Variants in UCK2 observed in about 807,000 individuals in gnomAD.
UCK2 encodes cytidine monophosphokinase 2.
In UCK2, 6 loss-of-function variants were observed where a neutral mutation model predicts 30.8. The observed-to-expected ratio is 0.19, with a 90% confidence interval of 0.11 to 0.38. The LOEUF is 0.38. Ranked by LOEUF, UCK2 falls within the 10% of genes least tolerant of loss-of-function variation. The pLI is 1.00. For synonymous variants in UCK2, 125 were observed against 133.6 expected (o/e 0.94, Z 0.45); for missense variants, 210 against 339.8 (o/e 0.62, Z 3.00).
At chr1:165,891,498 G>A in intron 3 of UCK2, 176 bp downstream of exon 3, 1 of 606,904 alleles carries the variant, frequency 1.6e-6, no homozygotes, top group East Asian at 2.9e-5. Flanking sequence ...CTGTGGGATT[G>A]TAGAGGTTGG....
chr1:165,886,320 A>T (rs1261244531), intron 1 of UCK2, among the ~76,000 whole-genome samples: 1 of 151,902 alleles, frequency 6.6e-6, no homozygotes, highest in African/African-American at 2.4e-5. Context: ...TTAGAGATAG[A>T]GTCTTGCTCT....
At chr1:165,841,558 A>C (rs1654333043) in intron 1 of UCK2, among the ~76,000 whole-genome samples, 1 of 152,204 alleles carries the variant, frequency 6.6e-6, no homozygotes. Context: ...CCTGAAAGAA[A>C]AGGTCCATGT....
At chr1:165,899,215 C>T (rs954827693) in intron 4 of UCK2, among the ~76,000 whole-genome samples, 2 of 152,126 alleles carry the variant, frequency 1.3e-5, no homozygotes, top group African/African-American at 4.8e-5. Flanking sequence ...CTGGAAACTA[C>T]CTCCTTCCTG....
chr1:165,854,729 CT>C (rs1443157086), intron 1 of UCK2, among the ~76,000 whole-genome samples: 1 of 151,938 alleles, frequency 6.6e-6, no homozygotes, highest in Non-Finnish European at 1.5e-5. Flanking sequence ...TTGTTCAGTC[CT>C]TTACGCTGAA....
intron 1 of UCK2, among the ~76,000 whole-genome samples, chr1:165,861,105 G>C (rs1465682975): frequency 1.3e-5 from 2 of 152,026 alleles, no homozygotes; most frequent in South Asian, 4.1e-4. Flanking sequence ...CATAGTTAGT[G>C]CCTTTTATGG....
intron 4 of UCK2, among the ~76,000 whole-genome samples, chr1:165,898,932 T>C (rs3790659): frequency 0.61 from 92,275 of 152,032 alleles, 28,172 homozygotes; most frequent in Admixed American, 0.69. Flanking sequence ...TCCTGATGGA[T>C]TCATGGGACT....
At chr1:165,872,979 A>C (rs1342484440) in intron 1 of UCK2, among the ~76,000 whole-genome samples, 1 of 152,212 alleles carries the variant, frequency 6.6e-6, no homozygotes, top group Non-Finnish European at 1.5e-5. Context: ...CACGTTGGAG[A>C]TGCAAAAAGC....
rs952804030 is a variant in UCK2, at chr1:165,827,629, C to G, written c.-205C>G. Reference sequence around the variant, plus strand: ...TGCCTGGGATGTAAACCGGACCAGCCGCTGCGGGCAAAGGAAGGCTCTTGG... The same window carrying G: ...TGCCTGGGATGTAAACCGGACCAGCGGCTGCGGGCAAAGGAAGGCTCTTGG... On this transcript the variant is annotated 5_prime_UTR_variant, in exon 1 of 7. Coordinates refer to ENST00000367879, the MANE Select transcript of UCK2 (RefSeq NM_012474.5). The G allele has an allele frequency of 1.8e-5, 7 of 388,486 alleles. No individual in the cohort carries two copies. The highest frequency in any genetic ancestry group is 3.1e-5 in the Non-Finnish European group (7 of 222,380). 24.1% of individuals were successfully genotyped at this position (388,486 alleles called of 1,614,324 possible). A position where few individuals can be genotyped will look rare whatever the true frequency, so the allele number is the denominator to read the frequency against.
chr1:165,852,450 A>G (rs1654621614), intron 1 of UCK2, among the ~76,000 whole-genome samples: 1 of 152,266 alleles, frequency 6.6e-6, no homozygotes, highest in African/African-American at 2.4e-5. Flanking sequence ...TACGTGGCCA[A>G]CAAACATGAG....
chr1:165,879,975 TG>T (rs1655442892), intron 1 of UCK2, among the ~76,000 whole-genome samples: 1 of 152,130 alleles, frequency 6.6e-6, no homozygotes, highest in Admixed American at 6.6e-5. Context: ...AAGAAGAAAA[TG>T]TTAAAAATCT....
At chr1:165,898,617 A>G (rs977582411) in intron 4 of UCK2, among the ~76,000 whole-genome samples, 13 of 152,238 alleles carry the variant, frequency 8.5e-5, no homozygotes, top group African/African-American at 2.7e-4. Flanking sequence ...CAGGGAGTGC[A>G]GGAACCAGCA....
rs754459053 is a variant in UCK2, at chr1:165,907,654, C to T, written c.647-30C>T. On this transcript the variant is annotated intron_variant, in intron 6 of 6. Coordinates refer to ENST00000367879, the MANE Select transcript of UCK2 (RefSeq NM_012474.5). ...TCACCCCTGCACCCATGCCTGCACC[C>T]GTAACGCTCTGCTGGTCTCTGCCCC... The T allele has an allele frequency of 3.1e-6, 5 of 1,611,596 alleles. No homozygotes were observed. In the South Asian group the frequency reaches 3.3e-5, roughly 11 times the overall value.
At chr1:165,858,465 G>A (rs1256192633) in intron 1 of UCK2, among the ~76,000 whole-genome samples, 1 of 152,180 alleles carries the variant, frequency 6.6e-6, no homozygotes, top group Non-Finnish European at 1.5e-5. Context: ...TTTGCTGACA[G>A]GTGAACAAAC....
At chr1:165,885,145 T>G in intron 1 of UCK2, 1 of 369,588 alleles carries the variant, frequency 2.7e-6, no homozygotes. Context: ...TTTCCAGAGG[T>G]AAAGTACATT....
chr1:165,889,833 T>C, intron 1 of UCK2, among the ~76,000 whole-genome samples: 1 of 152,046 alleles, frequency 6.6e-6, no homozygotes, highest in East Asian at 1.9e-4. Flanking sequence ...CCTTATCCTC[T>C]GCTTCCTCCC....
At chr1:165,855,867 C>G (rs145401431) in intron 1 of UCK2, among the ~76,000 whole-genome samples, 155 of 152,192 alleles carry the variant, frequency 1.0e-3, no homozygotes, top group Non-Finnish European at 1.7e-3. Context: ...GGAATAGTTG[C>G]AGAGTAGAGA....
Position 165,839,593 on chromosome 1 carries a change from T to C in UCK2, c.99+11661T>C, listed in dbSNP as rs369698719. ...ATAATGTGTCCACTTCAAGTTAAGA[T>C]AGAGAATCCCTGGTTTGTTCAGAAG... is the stretch of plus-strand genomic sequence containing the variant. On this transcript the variant is annotated intron_variant, in intron 1 of 6. Transcript: ENST00000367879. Among the ~76,000 whole-genome samples, 109 of 152,244 alleles carry C rather than the reference T, an allele frequency of 7.2e-4. No individual in the cohort carries two copies. The East Asian group carries it at 0.013, about 18-fold the overall frequency.
In UCK2 at chr1:165,903,217, G is replaced by A; in HGVS notation, c.535G>A (p.Glu179Lys). ...RDISERGRDL[E>K]QILSQYITFV... is the part of the protein sequence containing the mutation. ...CATCAGCGAGAGAGGCAGGGATCTT[G>A]AGCAGATTTTATCTCAGTACATTAC... is the stretch of plus-strand genomic sequence containing the variant. Residue 179 changes from glutamate to lysine, a missense_variant, in exon 5 of 7, where the codon GAG (glutamate) becomes AAG (lysine). Physicochemically the swap from Glu to Lys is moderately conservative, Grantham distance 56. This residue lies in a region of UCK2 where 47 missense variants were observed against 128.7 expected (regional missense o/e 0.37). Transcript: ENST00000367879. The A allele has an allele frequency of 6.2e-7, 1 of 1,614,118 alleles. No individual in the cohort carries two copies. Among genetic ancestry groups the A allele is most frequent in the Non-Finnish European group, 8.5e-7 (1 of 1,180,006 alleles).
chr1:165,869,026 G>A lies in UCK2; in HGVS notation c.100-21178G>A, dbSNP rs187731019. 5.3e-5 allele frequency among the ~76,000 whole-genome samples: 8 copies of A among 152,100 alleles called. No individual in the cohort carries two copies. In the East Asian group the frequency reaches 5.8e-4, roughly 11 times the overall value. Reference sequence around the variant, plus strand: ...GGCCTAACTTCAATATTGTTCTGTCGCAGGAAATCATAGGGAGGCCCAAGA... The same window carrying A: ...GGCCTAACTTCAATATTGTTCTGTCACAGGAAATCATAGGGAGGCCCAAGA... On this transcript the variant is annotated intron_variant, in intron 1 of 6. Coordinates refer to ENST00000367879, the MANE Select transcript of UCK2 (RefSeq NM_012474.5).
Sources: gnomAD v4.1 joint callset for allele counts (sites outside exome capture counted in the v4.1 genomes callset) on GRCh38, gnomAD v4.1.1 for gene constraint, gnomAD v4.1.1 regional missense constraint, MANE v1.5 for transcripts, NCBI Gene and HGNC (gene_info 2026-07-23, HGNC 2026-07-21) for gene names.